The following USH2A variants were observed in gnomAD, a reference collection of about 807,000 sequenced individuals.
USH2A encodes usherin.
USH2A carries 443 observed loss-of-function variants against 538.9 expected under a neutral mutation model. That is an observed-to-expected ratio of 0.82 (90% CI 0.76 to 0.89). USH2A has a LOEUF of 0.89. USH2A is among the 40% of genes least tolerant of loss of function. USH2A has a pLI of 0.00. For missense variants in USH2A, 6,633 were observed against 6,324.8 expected, an observed-to-expected ratio of 1.05 and a Z score of -1.65; for synonymous variants, 2,413 against 2,273.5, an observed-to-expected ratio of 1.06 and a Z score of -1.75.
At chr1:215,887,055 C>T (rs1425725194) in intron 41 of USH2A, among the ~76,000 whole-genome samples, 4 of 152,068 alleles carry the variant, frequency 2.6e-5, no homozygotes, top group Non-Finnish European at 5.9e-5. Context: ...GACGGGGTTT[C>T]ACTGTGTTGG....
intron 47 of USH2A, among the ~76,000 whole-genome samples, chr1:215,817,777 C>T (rs1415499220): frequency 6.6e-6 from 1 of 151,694 alleles, no homozygotes; most frequent in East Asian, 1.9e-4. Context: ...CACAAAGATG[C>T]CGCCATTATA....
chr1:216,083,327 G>T, intron 26 of USH2A, 129 bp downstream of exon 26: 4 of 1,090,290 alleles, frequency 3.7e-6, no homozygotes, highest in Non-Finnish European at 5.2e-6. Context: ...AAAAATGACT[G>T]GGAAAAAAAA....
At chr1:216,374,288 CAA>C (rs34338688) in intron 3 of USH2A, among the ~76,000 whole-genome samples, 1 of 146,432 alleles carries the variant, frequency 6.8e-6, no homozygotes, top group African/African-American at 2.5e-5. Flanking sequence ...AGTGCCGACC[CAA>C]AAAAAAAAAG....
chr1:215,664,817 A>T (rs1657552340), intron 64 of USH2A, among the ~76,000 whole-genome samples: 2 of 152,188 alleles, frequency 1.3e-5, no homozygotes, highest in South Asian at 4.1e-4. Context: ...TCTGTAAGCC[A>T]GAAGGTGGCC....
intron 4 of USH2A, among the ~76,000 whole-genome samples, chr1:216,339,606 A>C (rs1363821690): frequency 1.3e-5 from 2 of 151,960 alleles, no homozygotes; most frequent in East Asian, 1.9e-4. Context: ...ACTCCTCAGC[A>C]AATGCAAAAG....
rs1393639552 is a variant in USH2A, at chr1:215,624,754, A to G, written c.*1027T>C. ...CTAGTTCTCCAAAAAGAAGGGATAT[A>G]GTGCAGAGTAATATATACATGATAT... On this transcript the variant is annotated 3_prime_UTR_variant, in exon 72 of 72. Coordinates refer to ENST00000307340, the MANE Select transcript of USH2A (RefSeq NM_206933.4). The G allele has an allele frequency of 6.6e-6, 1 of 152,178 alleles. No individual in the cohort carries two copies. Among genetic ancestry groups the G allele is most frequent in the East Asian group, 1.9e-4 (1 of 5,184 alleles). 9.4% of individuals were successfully genotyped at this position (152,178 alleles called of 1,614,324 possible). A position where few individuals can be genotyped will look rare whatever the true frequency, so the allele number is the denominator to read the frequency against.
chr1:216,376,088 T>A (rs934711338), intron 3 of USH2A, among the ~76,000 whole-genome samples: 7 of 152,078 alleles, frequency 4.6e-5, no homozygotes, highest in Middle Eastern at 3.2e-3. Context: ...TGGAAAAAAA[T>A]TTAAATTTCT....
chr1:216,118,137 C>T (rs572803196), intron 21 of USH2A, among the ~76,000 whole-genome samples: 55 of 152,030 alleles, frequency 3.6e-4, no homozygotes, highest in African/African-American at 8.2e-4. Flanking sequence ...AAGTGGGCAA[C>T]GAGAGTTTCT....
intron 32 of USH2A, among the ~76,000 whole-genome samples, chr1:216,025,199 T>C (rs184368623): frequency 2.1e-4 from 32 of 151,968 alleles, no homozygotes; most frequent in Non-Finnish European, 4.1e-4. Context: ...TGTGAGAGTA[T>C]TAATAAAATA....
chr1:216,342,691 C>T (rs976315457), intron 4 of USH2A, among the ~76,000 whole-genome samples: 3 of 152,070 alleles, frequency 2.0e-5, no homozygotes, highest in Non-Finnish European at 2.9e-5. Context: ...TTTGCAGAAA[C>T]TCTGATGAAG....
chr1:216,136,653 A>T (rs982861479), intron 21 of USH2A, among the ~76,000 whole-genome samples: 2 of 152,198 alleles, frequency 1.3e-5, no homozygotes, highest in African/African-American at 4.8e-5. Context: ...GATTTTGCAG[A>T]TGTAATAAAT....
intron 10 of USH2A, among the ~76,000 whole-genome samples, 189 bp downstream of exon 10, chr1:216,291,986 T>C (rs1485863712): frequency 1.3e-5 from 2 of 152,186 alleles, no homozygotes; most frequent in Non-Finnish European, 2.9e-5. Flanking sequence ...AAGACTAGAG[T>C]GCTATTTCTG....
intron 61 of USH2A, among the ~76,000 whole-genome samples, chr1:215,725,987 T>C (rs1198091067): frequency 6.6e-6 from 1 of 152,228 alleles, no homozygotes; most frequent in Non-Finnish European, 1.5e-5. Flanking sequence ...GGAATTCCAA[T>C]AGAACTGTTT....
intron 30 of USH2A, among the ~76,000 whole-genome samples, chr1:216,064,487 C>T (rs1233729288): frequency 6.6e-6 from 1 of 151,200 alleles, no homozygotes; most frequent in Non-Finnish European, 1.5e-5. Context: ...GAGAGTGGCC[C>T]TTGCTAGGGA....
intron 34 of USH2A, among the ~76,000 whole-genome samples, chr1:215,997,914 A>AT (rs1446721047): frequency 7.9e-5 from 12 of 152,060 alleles, no homozygotes; most frequent in Admixed American, 5.2e-4. Flanking sequence ...TTTGAACAGT[A>AT]TTTTTTTAAC....
At chr1:215,892,438 T>C (rs1295721572) in intron 40 of USH2A, among the ~76,000 whole-genome samples, 1 of 152,186 alleles carries the variant, frequency 6.6e-6, no homozygotes, top group Non-Finnish European at 1.5e-5. Context: ...AAGTGGCAAA[T>C]ATATGGATGT....
At chr1:216,174,834 A>G (rs2034342843) in intron 21 of USH2A, 1 of 1,025,918 alleles carries the variant, frequency 9.7e-7, no homozygotes, top group Non-Finnish European at 1.2e-6. Flanking sequence ...GCAAAGTTGA[A>G]TAGCTTTCTT....
chr1:215,834,331 T>A (rs559515574), intron 47 of USH2A, among the ~76,000 whole-genome samples: 3 of 152,284 alleles, frequency 2.0e-5, no homozygotes, highest in African/African-American at 7.2e-5. Flanking sequence ...AATGGAATCT[T>A]ACTCAGCAAC....
chr1:215,750,257 T>C (rs1040897423), intron 58 of USH2A, among the ~76,000 whole-genome samples: 12 of 152,174 alleles, frequency 7.9e-5, no homozygotes, highest in African/African-American at 2.9e-4. Flanking sequence ...CGGGACCCTC[T>C]TGAACTCATT....
Sources: gnomAD v4.1 joint callset for allele counts (sites outside exome capture counted in the v4.1 genomes callset) on GRCh38, gnomAD v4.1.1 for gene constraint, MANE v1.5 for transcripts, NCBI Gene and HGNC (gene_info 2026-07-23, HGNC 2026-07-21) for gene names.